Variants in PHLPP1 observed in about 807,000 individuals in gnomAD.
PHLPP1 encodes the protein PH domain and leucine rich repeat protein phosphatase 1.
In PHLPP1, 42 loss-of-function variants were observed where a neutral mutation model predicts 117.2. The ratio of observed to expected loss-of-function variants is 0.36; its 90% CI spans 0.28 to 0.46. The LOEUF (loss-of-function observed/expected upper bound fraction) is 0.46, where lower values mean the gene tolerates loss of function less well. Among genes scored for constraint, PHLPP1 ranks in the 20% least tolerant of loss-of-function variants. The probability of loss-of-function intolerance (pLI) is 1.00; values close to 1 mark genes in which losing one functional copy is unlikely to be tolerated. For missense variants in PHLPP1, 2,084 were observed against 2,241.9 expected (o/e 0.93, Z 1.42); for synonymous variants, 1,042 against 970.7 (o/e 1.07, Z -1.37).
At chr18:62,744,146 T>A (rs1320600203) in intron 1 of PHLPP1, among the ~76,000 whole-genome samples, 1 of 152,262 alleles carries the variant, frequency 6.6e-6, no homozygotes, top group Non-Finnish European at 1.5e-5. Context: ...CTTCTTTTTT[T>A]AAATTCTGTT....
Position 62,842,722 on chromosome 18 carries a change from A to G in PHLPP1, c.1899+3813A>G, listed in dbSNP as rs116422236. ...CCTTCTCCAATTTTAAAAACCAGAT[A>G]TATATTTCAAAAATGTTTAGCAGTT... On this transcript the variant is annotated intron_variant, in intron 3 of 16. Coordinates refer to ENST00000262719, the MANE Select transcript of PHLPP1 (RefSeq NM_194449.4). Among the ~76,000 whole-genome samples the G allele has an allele frequency of 9.4e-3, 1,425 of 152,290 alleles. 27 individuals are homozygous for G. Among genetic ancestry groups the G allele is most frequent in the African/African-American group, 0.033 (1,364 of 41,546 alleles).
intron 4 of PHLPP1, among the ~76,000 whole-genome samples, chr18:62,884,554 G>A (rs1916240014): frequency 6.6e-6 from 1 of 152,228 alleles, no homozygotes; most frequent in Non-Finnish European, 1.5e-5. Context: ...ATGCAAAGTA[G>A]GGGGCAGGCC....
intron 8 of PHLPP1, among the ~76,000 whole-genome samples, chr18:62,913,263 A>G (rs933786913): frequency 2.6e-5 from 4 of 152,182 alleles, no homozygotes; most frequent in Non-Finnish European, 4.4e-5. Context: ...AATACTTTCA[A>G]TCCCCTATCC....
chr18:62,869,333 T>C (rs2144370724), intron 4 of PHLPP1, among the ~76,000 whole-genome samples: 1 of 152,298 alleles, frequency 6.6e-6, no homozygotes, highest in Middle Eastern at 3.4e-3. Context: ...TACTCCTCCT[T>C]CTGTAACCTT....
At chr18:62,766,076 A>AAAAAAAAAAAATATATATATATAT in intron 1 of PHLPP1, among the ~76,000 whole-genome samples, 1 of 21,662 alleles carries the variant, frequency 4.6e-5, no homozygotes, top group Non-Finnish European at 8.5e-5. Flanking sequence ...AAAAAAAAAA[A>AAAAAAAAAAAATATATATATATAT]ATATATATAT....
chr18:62,755,948 C>CA (rs773667971), intron 1 of PHLPP1, among the ~76,000 whole-genome samples: 5 of 151,328 alleles, frequency 3.3e-5, no homozygotes, highest in African/African-American at 7.3e-5. Context: ...CTTGTTAAGG[C>CA]AAAAAGAAAC....
At chr18:62,745,416 A>G (rs1348282625) in intron 1 of PHLPP1, among the ~76,000 whole-genome samples, 2 of 152,262 alleles carry the variant, frequency 1.3e-5, no homozygotes, top group Non-Finnish European at 2.9e-5. Flanking sequence ...ATAAACTAAC[A>G]TTGCATTAAG....
chr18:62,978,236 C>CT lies in PHLPP1; in HGVS notation c.3985-25dup. ...GCCGCAGGTGCTCTGTATTAACTGT[C>CT]TGTCTGCAAACCCTTGTTCTTCCAG... On this transcript the variant is annotated intron_variant, in intron 16 of 16. Transcript: ENST00000262719. This position sits in a 1 kb window ranked among gnomAD's most constrained non-coding sequence, Gnocchi z 7.0. 7.0e-7 allele frequency: 1 copy of CT among 1,438,126 alleles called. No homozygotes were observed. Among genetic ancestry groups the CT allele is most frequent in the Non-Finnish European group, 9.6e-7 (1 of 1,036,970 alleles). The allele number at this position is 1,438,126 out of a possible 1,614,324, so 89.1% of individuals were successfully genotyped here. A position where few individuals can be genotyped will look rare whatever the true frequency, so the allele number is the denominator to read the frequency against.
rs1435443917 is a variant in PHLPP1 at position 62,774,684 on chromosome 18, A to G, written c.1577-55351A>G. ...GGTAACAATTTCATCTGTGTTCTTG[A>G]CTTTCGTTTAGAAACCTTATCCTTT... On this transcript the variant is annotated intron_variant, in intron 1 of 16. Coordinates refer to ENST00000262719, the MANE Select transcript of PHLPP1 (RefSeq NM_194449.4). 2.6e-5 allele frequency among the ~76,000 whole-genome samples: 4 copies of G among 152,166 alleles called. No homozygotes were observed. The East Asian group carries it at 5.8e-4, about 22-fold the overall frequency.
intron 1 of PHLPP1, among the ~76,000 whole-genome samples, chr18:62,797,361 A>G (rs532826829): frequency 6.6e-6 from 1 of 152,188 alleles, no homozygotes; most frequent in African/African-American, 2.4e-5. Context: ...AGATATATCC[A>G]TGTGTCCCCA....
Position 62,921,804 on chromosome 18 carries a change from C to CTACT in PHLPP1, c.2960+1691_2960+1694dup, listed in dbSNP as rs965320366. The stretch of plus-strand genomic sequence containing the variant: ...TCAGTAAAGTGTCCAACTTTTAAGC[C>CTACT]TACTGCTCAATGAATTTTTACATAT... On this transcript the variant is annotated intron_variant, in intron 10 of 16. Transcript: ENST00000262719. 2.1e-3 allele frequency among the ~76,000 whole-genome samples: 314 copies of CTACT among 152,238 alleles called. 2 individuals are homozygous for CTACT. The highest frequency in any genetic ancestry group is 7.2e-3 in the African/African-American group (301 of 41,548).
At position 62,876,843 on chromosome 18, in the gene PHLPP1, C is replaced by CT. The variant is rs560684091; in HGVS notation, c.2066+16244dup. ...TTTCACCTGAAATAAGTAAAGATGA[C>CT]TTGGGTCAAGAGGGGAGTGAATTCA... On this transcript the variant is annotated intron_variant, in intron 4 of 16. Coordinates refer to ENST00000262719, the MANE Select transcript of PHLPP1 (RefSeq NM_194449.4). 2.0e-4 allele frequency among the ~76,000 whole-genome samples: 31 copies of CT among 152,244 alleles called. No homozygotes were observed. In the East Asian group the frequency reaches 5.0e-3, roughly 25 times the overall value.
intron 12 of PHLPP1, among the ~76,000 whole-genome samples, chr18:62,951,103 T>C (rs1338886892): frequency 2.0e-5 from 3 of 151,884 alleles, no homozygotes; most frequent in Non-Finnish European, 2.9e-5. Context: ...CACCTCAGCC[T>C]CCCAAGTAGC....
rs781286473 is a variant in PHLPP1 at position 62,978,906 on chromosome 18, C to T, written c.4629C>T (p.Asn1543=). The change falls in exon 17 of 17, where the codon AAC becomes AAT. Residue 1543 remains asparagine, a synonymous_variant. Coordinates refer to ENST00000262719, the MANE Select transcript of PHLPP1 (RefSeq NM_194449.4). This position sits in a 1 kb window ranked among gnomAD's most constrained non-coding sequence, Gnocchi z 7.0. The stretch of plus-strand genomic sequence containing the variant: ...CGTTCTCTAGCGCCTTCTCCGACAA[C>T]GGCCTTGACAGTGACGATGAGGAGC... ...SATFSSAFSD[N]GLDSDDEEPI... is the part of the protein sequence containing the mutation. 6 of 1,607,664 alleles carry T rather than the reference C, an allele frequency of 3.7e-6. No homozygotes were observed. Among genetic ancestry groups the T allele is most frequent in the Admixed American group, 1.7e-5 (1 of 58,970 alleles).
chr18:62,848,455 ATTTTTTTTTTTT>A (rs56223512), intron 3 of PHLPP1, among the ~76,000 whole-genome samples: 2,243 of 88,602 alleles, frequency 0.025, 38 homozygotes, highest in Middle Eastern at 0.14. Flanking sequence ...TTTTTTGTTG[ATTTTTTTTTTTT>A]TTTTTTTTTT....
At chr18:62,726,335 G>A (rs1245928412) in intron 1 of PHLPP1, among the ~76,000 whole-genome samples, 3 of 151,550 alleles carry the variant, frequency 2.0e-5, no homozygotes, top group Non-Finnish European at 4.4e-5. Flanking sequence ...TTTTTTTTGG[G>A]GGGGTTGGAT....
rs1915123907 is a variant in PHLPP1 at position 62,844,280 on chromosome 18, A to G, written c.1899+5371A>G. The stretch of plus-strand genomic sequence containing the variant: ...TTTGAACCCAGGAGGCGAAGGTTGC[A>G]CTGAGCTGAGATTGCGCCACTGCAC... On this transcript the variant is annotated intron_variant, in intron 3 of 16. Transcript: ENST00000262719. Among the ~76,000 whole-genome samples the G allele has an allele frequency of 2.0e-5, 3 of 152,190 alleles. No individual in the cohort carries two copies. The South Asian group carries it at 6.2e-4, about 31-fold the overall frequency.
intron 1 of PHLPP1, among the ~76,000 whole-genome samples, chr18:62,808,885 C>T (rs895799658): frequency 2.0e-5 from 3 of 152,038 alleles, no homozygotes; most frequent in Non-Finnish European, 2.9e-5. Context: ...TTCCCTAGTA[C>T]ACTGTACTTT....
At chr18:62,912,416 A>T (rs1028714746) in intron 8 of PHLPP1, among the ~76,000 whole-genome samples, 2 of 151,706 alleles carry the variant, frequency 1.3e-5, no homozygotes, top group Admixed American at 6.6e-5. Flanking sequence ...GTAGTGCTTC[A>T]TGCATTTCCT....
Sources: gnomAD v4.1 joint callset for allele counts (sites outside exome capture counted in the v4.1 genomes callset) on GRCh38, gnomAD v4.1.1 for gene constraint, Gnocchi (gnomAD v3.1) non-coding constraint, MANE v1.5 for transcripts, NCBI Gene and HGNC (gene_info 2026-07-23, HGNC 2026-07-21) for gene names.